The following RASGEF1A variants were observed in gnomAD, a reference collection of about 807,000 sequenced individuals.
RASGEF1A encodes RasGEF domain family member 1A, also known as ras-GEF domain-containing family member 1A.
Under a neutral mutation model 56.4 loss-of-function variants are expected in RASGEF1A, and 18 were observed. That is an observed-to-expected ratio of 0.32 (90% CI 0.22 to 0.47). The LOEUF (loss-of-function observed/expected upper bound fraction) is 0.47. Ranked by LOEUF, RASGEF1A falls within the 20% of genes least tolerant of loss-of-function variation. The pLI is 1.00. For synonymous variants in RASGEF1A, 245 were observed against 242.6 expected (o/e 1.01, Z -0.09); for missense variants, 422 against 627.1 (o/e 0.67, Z 3.49).
chr10:43,254,709 G>T (rs967837884), intron 1 of RASGEF1A, among the ~76,000 whole-genome samples: 1 of 152,190 alleles, frequency 6.6e-6, no homozygotes, highest in African/African-American at 2.4e-5. Flanking sequence ...CACAGGCAAG[G>T]ATGGAAACCG....
chr10:43,197,043 C>G lies in RASGEF1A; in HGVS notation c.1281G>C (p.Glu427Asp), dbSNP rs148234005. ...TCTTCTTGTCCTTCTCGAAAGGACA[C>G]TCTACCTGTGTCCATGTCATGAACT... ...IHEFMTWTQV[E>D]CPFEKDKKIQ... is the part of the protein sequence containing the mutation. The change falls in exon 11 of 13, where the codon GAG (glutamate) becomes GAC (aspartate). Residue 427 changes from glutamate (E) to aspartate (D), a missense_variant. Glu to Asp is a conservative substitution (Grantham distance 45). Coordinates refer to ENST00000395810, the MANE Select transcript of RASGEF1A (RefSeq NM_145313.4). 5.0e-6 allele frequency: 8 copies of G among 1,613,936 alleles called. No individual in the cohort carries two copies. The African/African-American group carries it at 9.3e-5, about 19-fold the overall frequency.
intron 1 of RASGEF1A, chr10:43,207,018 C>A: frequency 2.0e-6 from 2 of 985,580 alleles, no homozygotes; most frequent in Non-Finnish European, 2.4e-6. Flanking sequence ...TCTTGTGAAG[C>A]CTAGGGGAGT....
Position 43,207,871 on chromosome 10 carries a change from GA to G in RASGEF1A, c.-6-1750del, listed in dbSNP as rs756321243. ...AGATGGTGAAACTGAGGCCCAGTGG[GA>G]AGGAACTCAACTAAGGAAACCCCAG... On this transcript the variant is annotated intron_variant, in intron 1 of 12. Transcript: ENST00000395810. 1.7e-5 allele frequency: 8 copies of G among 481,340 alleles called. No homozygotes were observed. In the East Asian group the frequency reaches 9.2e-4, roughly 55 times the overall value. The allele number at this position is 481,340 out of a possible 1,614,324, so 29.8% of individuals were successfully genotyped here.
chr10:43,231,736 G>T (rs980815552), intron 1 of RASGEF1A, among the ~76,000 whole-genome samples: 2 of 152,254 alleles, frequency 1.3e-5, no homozygotes, highest in African/African-American at 4.8e-5. Context: ...CCTTCCTGGT[G>T]CCTGAGGATG....
chr10:43,196,533 G>A lies in RASGEF1A; in HGVS notation c.1364C>T (p.Ser455Phe). The A allele has an allele frequency of 6.2e-7, 1 of 1,613,782 alleles. No individual in the cohort carries two copies. Among genetic ancestry groups the A allele is most frequent in the Non-Finnish European group, 8.5e-7 (1 of 1,180,032 alleles). Residue 455 changes from serine (S) to phenylalanine (F), a missense_variant, in exon 12 of 13, where the codon TCC (serine) becomes TTC (phenylalanine). Ser to Phe is a radical substitution (Grantham distance 155). Coordinates refer to ENST00000395810, the MANE Select transcript of RASGEF1A (RefSeq NM_145313.4). The surrounding 1 kb of genome is among the most constrained non-coding windows in gnomAD (Gnocchi z 4.6). ...IYSEEALFVA[S>F]FESEGPENHM... Reference sequence around the variant, plus strand: ...GTTCTCGGGACCCTCACTTTCAAAGGAGGCGACGAAGAGAGCTGAGAGATG... The same window carrying A: ...GTTCTCGGGACCCTCACTTTCAAAGAAGGCGACGAAGAGAGCTGAGAGATG...
intron 1 of RASGEF1A, among the ~76,000 whole-genome samples, chr10:43,235,408 C>T (rs1840417961): frequency 6.6e-6 from 1 of 152,178 alleles, no homozygotes; most frequent in African/African-American, 2.4e-5. Flanking sequence ...TGAGGCTCTT[C>T]CTGGGGTCCT....
At chr10:43,256,807 G>A (rs117891881) in intron 1 of RASGEF1A, among the ~76,000 whole-genome samples, 2,180 of 152,240 alleles carry the variant, frequency 0.014, 19 homozygotes, top group Non-Finnish European at 0.024. Context: ...TCTGTTCCCC[G>A]ACTTTCTTGC....
chr10:43,211,806 T>G (rs1468816752), intron 1 of RASGEF1A, among the ~76,000 whole-genome samples: 1 of 152,196 alleles, frequency 6.6e-6, no homozygotes, highest in Admixed American at 6.5e-5. Context: ...GAACAGGCTC[T>G]GTCCCCACAC....
At chr10:43,239,424 T>C (rs780304823) in intron 1 of RASGEF1A, among the ~76,000 whole-genome samples, 10 of 152,152 alleles carry the variant, frequency 6.6e-5, no homozygotes, top group Non-Finnish European at 1.3e-4. Flanking sequence ...CTCTCTTCCA[T>C]AAACGCAACA....
chr10:43,229,470 G>T (rs1001644330), intron 1 of RASGEF1A, among the ~76,000 whole-genome samples: 1 of 152,180 alleles, frequency 6.6e-6, no homozygotes, highest in African/African-American at 2.4e-5. Context: ...GCCGCCCACC[G>T]GGCAGTAGGT....
intron 1 of RASGEF1A, among the ~76,000 whole-genome samples, chr10:43,266,114 G>C (rs1028562946): frequency 6.6e-6 from 1 of 152,190 alleles, no homozygotes; most frequent in Non-Finnish European, 1.5e-5. Flanking sequence ...CCCAGAGGCA[G>C]CCAGAAATGC....
At position 43,208,185 on chromosome 10, in the gene RASGEF1A, G is replaced by A. The variant is rs902367064; in HGVS notation, c.-6-2063C>T. On this transcript the variant is annotated intron_variant, in intron 1 of 12. Coordinates refer to ENST00000395810, the MANE Select transcript of RASGEF1A (RefSeq NM_145313.4). ...TCTGGGTTCAAAAGGCGACCAGCAG[G>A]TGGTAACCTTGGTCAGTTGGGCCTC... The A allele has an allele frequency of 8.1e-6, 8 of 985,378 alleles. No homozygotes were observed. In the African/African-American group the frequency reaches 1.0e-4, roughly 13 times the overall value. The allele number at this position is 985,378 out of a possible 1,614,324, so 61.0% of individuals were successfully genotyped here.
chr10:43,255,369 G>A (rs566894695), intron 1 of RASGEF1A, among the ~76,000 whole-genome samples: 1 of 152,292 alleles, frequency 6.6e-6, no homozygotes, highest in Admixed American at 6.5e-5. Flanking sequence ...ATCCTGGACA[G>A]TGGGGCAGGC....
chr10:43,220,035 G>A (rs1840187028), intron 1 of RASGEF1A, among the ~76,000 whole-genome samples: 1 of 152,174 alleles, frequency 6.6e-6, no homozygotes, highest in Non-Finnish European at 1.5e-5. Context: ...ACAGCACCCA[G>A]ACACACGTCC....
At chr10:43,232,005 C>T in intron 1 of RASGEF1A, among the ~76,000 whole-genome samples, 1 of 152,274 alleles carries the variant, frequency 6.6e-6, no homozygotes, top group East Asian at 1.9e-4. Flanking sequence ...TGGAACAAGG[C>T]TGCCTCTGAC....
In RASGEF1A at chr10:43,200,689, T is replaced by C. The variant is rs1205379900; in HGVS notation, c.659A>G (p.Gln220Arg). Residue 220 changes from glutamine to arginine, a missense_variant, in exon 5 of 13, where the codon CAG (glutamine) becomes CGG (arginine). Coordinates refer to ENST00000395810, the MANE Select transcript of RASGEF1A (RefSeq NM_145313.4). ...GACCAGCTCAATGTGAGTCAGCTGC[T>C]GGGCCAGCACCAGGGGGTCGCAGCA... ...GVCCDPLVLA[Q>R]QLTHIELDRV... is the part of the protein sequence containing the mutation. 3 of 1,612,896 alleles carry C rather than the reference T, an allele frequency of 1.9e-6. No homozygotes were observed. Among genetic ancestry groups the C allele is most frequent in the Admixed American group, 3.3e-5 (2 of 60,008 alleles).
At chr10:43,243,221 G>A (rs1359467891) in intron 1 of RASGEF1A, among the ~76,000 whole-genome samples, 8 of 144,744 alleles carry the variant, frequency 5.5e-5, no homozygotes, top group South Asian at 2.3e-4. Context: ...CTGCCCGGCC[G>A]CCACCCTGTC....
chr10:43,231,913 T>C (rs1650795622), intron 1 of RASGEF1A, among the ~76,000 whole-genome samples: 1 of 152,248 alleles, frequency 6.6e-6, no homozygotes. Flanking sequence ...CCAGTGGCCA[T>C]CTGCCGGGAC....
At chr10:43,238,446 G>A (rs1278459455) in intron 1 of RASGEF1A, among the ~76,000 whole-genome samples, 1 of 152,198 alleles carries the variant, frequency 6.6e-6, no homozygotes, top group Non-Finnish European at 1.5e-5. Flanking sequence ...TACTACTACC[G>A]TTTTTGACAG....
Sources: gnomAD v4.1 joint callset for allele counts (sites outside exome capture counted in the v4.1 genomes callset) on GRCh38, gnomAD v4.1.1 for gene constraint, Gnocchi (gnomAD v3.1) non-coding constraint, MANE v1.5 for transcripts, NCBI Gene and HGNC (gene_info 2026-07-23, HGNC 2026-07-21) for gene names.